Variants in SPAG16 observed in about 807,000 individuals in gnomAD.
The protein encoded by SPAG16 is sperm-associated antigen 16 protein.
In SPAG16, 86 loss-of-function variants were observed where a neutral mutation model predicts 80.4. The ratio of observed to expected loss-of-function variants is 1.07; its 90% CI spans 0.90 to 1.28. The LOEUF is 1.28. SPAG16 is among the 50% of genes most tolerant of loss of function. SPAG16 has a pLI of 0.00. For synonymous variants in SPAG16, 294 were observed against 265.9 expected (o/e 1.11, Z -1.03); for missense variants, 870 against 765.3 (o/e 1.14, Z -1.61).
At chr2:213,300,025 T>C (rs567909043) in intron 3 of SPAG16, among the ~76,000 whole-genome samples, 1 of 152,328 alleles carries the variant, frequency 6.6e-6, no homozygotes, top group South Asian at 2.1e-4. Context: ...TTTTTGCCAT[T>C]TTTTTGGATA....
chr2:214,066,975 C>T (rs551709867), intron 13 of SPAG16, among the ~76,000 whole-genome samples: 1 of 152,296 alleles, frequency 6.6e-6, no homozygotes, highest in Non-Finnish European at 1.5e-5. Context: ...TGTTGTCCTT[C>T]ACCCAGTATG....
intron 11 of SPAG16, among the ~76,000 whole-genome samples, chr2:213,916,230 G>A (rs1487153401): frequency 6.6e-6 from 1 of 152,034 alleles, no homozygotes; most frequent in African/African-American, 2.4e-5. Flanking sequence ...TTTCTTCTAG[G>A]GTTTTTATGG....
chr2:214,166,684 T>C (rs1301180199), intron 15 of SPAG16, among the ~76,000 whole-genome samples: 1 of 152,176 alleles, frequency 6.6e-6, no homozygotes, highest in East Asian at 1.9e-4. Flanking sequence ...GGCTCTTTGT[T>C]TCCTGGCGGG....
chr2:214,047,122 C>T (rs1483982176), intron 13 of SPAG16, among the ~76,000 whole-genome samples: 1 of 152,086 alleles, frequency 6.6e-6, no homozygotes, highest in Non-Finnish European at 1.5e-5. Flanking sequence ...AAACAATCTA[C>T]AGATTCAATG....
intron 10 of SPAG16, among the ~76,000 whole-genome samples, chr2:213,702,192 T>C (rs921663215): frequency 4.6e-5 from 7 of 152,176 alleles, no homozygotes; most frequent in African/African-American, 1.7e-4. Flanking sequence ...GTCTGTAAAG[T>C]GGACCAATCA....
At chr2:213,387,623 T>G (rs1381122070) in intron 9 of SPAG16, among the ~76,000 whole-genome samples, 1 of 145,636 alleles carries the variant, frequency 6.9e-6, no homozygotes, top group East Asian at 2.0e-4. Context: ...CCCGGCTAAT[T>G]TTTTGTATTT....
At chr2:214,241,803 A>G (rs868655881) in intron 15 of SPAG16, among the ~76,000 whole-genome samples, 3 of 152,202 alleles carry the variant, frequency 2.0e-5, no homozygotes, top group African/African-American at 7.2e-5. Context: ...TAATTATTTT[A>G]CAGGATATGT....
At chr2:214,138,853 A>G (rs1403485918) in intron 14 of SPAG16, among the ~76,000 whole-genome samples, 2 of 152,094 alleles carry the variant, frequency 1.3e-5, no homozygotes, top group Non-Finnish European at 2.9e-5. Flanking sequence ...CCCTTAAATA[A>G]TGACTCCATC....
chr2:213,988,663 T>C (rs968992091), intron 12 of SPAG16, among the ~76,000 whole-genome samples: 4 of 149,268 alleles, frequency 2.7e-5, no homozygotes, highest in Admixed American at 1.3e-4. Flanking sequence ...TGTACCAACA[T>C]TTTAGATTTT....
chr2:213,643,367 T>C (rs2062686189), intron 10 of SPAG16, among the ~76,000 whole-genome samples: 2 of 30,974 alleles, frequency 6.5e-5, no homozygotes, highest in African/African-American at 3.4e-4. Flanking sequence ...TATATATATA[T>C]ATATATATAT....
At position 213,868,054 on chromosome 2, in the gene SPAG16, T is replaced by C. The variant is rs371869914; in HGVS notation, c.1214+5426T>C. Among the ~76,000 whole-genome samples the C allele has an allele frequency of 9.9e-4, 150 of 151,660 alleles. 3 individuals carry two copies. In the South Asian group the frequency reaches 0.031, roughly 31 times the overall value. ...ATACCAAACTCTGTTGGAAAAATGATATGCAACCATCAACATTAGTTGGTA... is the reference window on the plus strand; with the variant it reads ...ATACCAAACTCTGTTGGAAAAATGACATGCAACCATCAACATTAGTTGGTA... On this transcript the variant is annotated intron_variant, in intron 11 of 15. Coordinates refer to ENST00000331683, the MANE Select transcript of SPAG16 (RefSeq NM_024532.5).
intron 10 of SPAG16, among the ~76,000 whole-genome samples, chr2:213,600,229 T>C (rs1305942151): frequency 2.0e-5 from 3 of 152,186 alleles, no homozygotes; most frequent in Admixed American, 6.5e-5. Context: ...TCAAGCATCC[T>C]CCAACTCTCC....
chr2:213,289,804 A>T (rs979389094), intron 1 of SPAG16, among the ~76,000 whole-genome samples: 2 of 152,202 alleles, frequency 1.3e-5, no homozygotes, highest in Non-Finnish European at 2.9e-5. Context: ...TGTAAAATAT[A>T]ATTAGCTATA....
At chr2:213,795,510 A>G (rs1213740660) in intron 10 of SPAG16, among the ~76,000 whole-genome samples, 1 of 152,204 alleles carries the variant, frequency 6.6e-6, no homozygotes, top group East Asian at 1.9e-4. Context: ...CAATCCTTTA[A>G]TTAGAAATTA....
intron 13 of SPAG16, among the ~76,000 whole-genome samples, chr2:214,107,414 A>G (rs1316434654): frequency 1.3e-5 from 2 of 152,170 alleles, no homozygotes; most frequent in Non-Finnish European, 2.9e-5. Context: ...TAGTCCACAT[A>G]TGACTTTCCC....
intron 10 of SPAG16, among the ~76,000 whole-genome samples, chr2:213,740,148 T>C (rs2067479065): frequency 1.3e-5 from 2 of 152,156 alleles, no homozygotes; most frequent in South Asian, 4.1e-4. Context: ...GAAGTTAAAT[T>C]TAATATCATG....
intron 13 of SPAG16, among the ~76,000 whole-genome samples, chr2:214,060,302 C>A (rs2050189535): frequency 6.6e-6 from 1 of 152,058 alleles, no homozygotes; most frequent in Non-Finnish European, 1.5e-5. Flanking sequence ...GGGATGAAAA[C>A]CTTAGTTCCC....
chr2:214,112,655 T>C (rs1383679690), intron 14 of SPAG16, among the ~76,000 whole-genome samples: 1 of 150,856 alleles, frequency 6.6e-6, no homozygotes, highest in Admixed American at 6.6e-5. Context: ...TTTTTTTTTT[T>C]TGGCTTTCCA....
At chr2:214,218,989 C>G (rs2125770200) in intron 15 of SPAG16, among the ~76,000 whole-genome samples, 1 of 152,250 alleles carries the variant, frequency 6.6e-6, no homozygotes, top group South Asian at 2.1e-4. Context: ...AAAAATCCAA[C>G]TACTATTCTT....
Sources: gnomAD v4.1 joint callset for allele counts (sites outside exome capture counted in the v4.1 genomes callset) on GRCh38, gnomAD v4.1.1 for gene constraint, MANE v1.5 for transcripts, NCBI Gene and HGNC (gene_info 2026-07-23, HGNC 2026-07-21) for gene names.